Variants in GPC5 observed in about 807,000 individuals in gnomAD.
GPC5 encodes glypican 5, also known as glypican-5.
GPC5 carries 47 observed loss-of-function variants against 53.9 expected under a neutral mutation model. The ratio of observed to expected loss-of-function variants is 0.87; its 90% confidence interval spans 0.69 to 1.11. GPC5 has a LOEUF of 1.11. GPC5 is among the 50% of genes most tolerant of loss of function. The probability of loss-of-function intolerance (pLI) is 0.00; values close to 1 mark genes in which losing one functional copy is unlikely to be tolerated. For missense variants in GPC5, 748 were observed against 713.1 expected (o/e 1.05, Z -0.56); for synonymous variants, 286 against 263.3 (o/e 1.09, Z -0.84).
intron 7 of GPC5, among the ~76,000 whole-genome samples, chr13:92,496,279 G>A (rs1032382954): frequency 5.3e-5 from 8 of 152,046 alleles, no homozygotes; most frequent in Non-Finnish European, 8.8e-5. Flanking sequence ...TGAATCATAG[G>A]ACAAGTTCAA....
chr13:91,848,682 G>T (rs187840709), intron 5 of GPC5, among the ~76,000 whole-genome samples: 1 of 152,292 alleles, frequency 6.6e-6, no homozygotes, highest in East Asian at 1.9e-4. Flanking sequence ...TGGGAAATAC[G>T]ATATTTGAAT....
intron 7 of GPC5, among the ~76,000 whole-genome samples, chr13:92,795,518 G>A (rs534648077): frequency 2.6e-4 from 40 of 152,214 alleles, no homozygotes; most frequent in Admixed American, 2.5e-3. Context: ...GGCAACAAAA[G>A]CCAAAATAGA....
At chr13:92,080,889 G>A (rs565090851) in intron 6 of GPC5, among the ~76,000 whole-genome samples, 1 of 152,208 alleles carries the variant, frequency 6.6e-6, no homozygotes, top group African/African-American at 2.4e-5. Flanking sequence ...GTGCCCCATG[G>A]CCCATGCTCT....
chr13:92,722,891 CT>C (rs1566385285), intron 7 of GPC5, among the ~76,000 whole-genome samples: 1 of 151,712 alleles, frequency 6.6e-6, no homozygotes, highest in African/African-American at 2.4e-5. Flanking sequence ...TTAGCAAAAA[CT>C]GTGAAAGTTA....
At chr13:92,150,888 A>C (rs2041902459) in intron 7 of GPC5, among the ~76,000 whole-genome samples, 2 of 117,172 alleles carry the variant, frequency 1.7e-5, no homozygotes, top group African/African-American at 2.7e-5. Flanking sequence ...TCAATAGAGG[A>C]AGTAAAAAAA....
At chr13:91,956,530 C>G (rs2040075223) in intron 6 of GPC5, among the ~76,000 whole-genome samples, 1 of 152,116 alleles carries the variant, frequency 6.6e-6, no homozygotes, top group Non-Finnish European at 1.5e-5. Flanking sequence ...AATGGCCTGC[C>G]TGTGCCCACT....
At chr13:92,547,230 TAA>T (rs904052611) in intron 7 of GPC5, among the ~76,000 whole-genome samples, 9 of 152,122 alleles carry the variant, frequency 5.9e-5, no homozygotes, top group Non-Finnish European at 1.2e-4. Flanking sequence ...TAGTTCTTTT[TAA>T]AAAAGAGAAT....
At chr13:92,764,641 A>T (rs1875322224) in intron 7 of GPC5, among the ~76,000 whole-genome samples, 1 of 152,130 alleles carries the variant, frequency 6.6e-6, no homozygotes, top group Admixed American at 6.5e-5. Context: ...GTAGAGGTAG[A>T]GTGTTTCCTT....
chr13:92,804,696 A>G (rs1853777127), intron 7 of GPC5, among the ~76,000 whole-genome samples: 1 of 152,026 alleles, frequency 6.6e-6, no homozygotes, highest in South Asian at 2.1e-4. Context: ...GAAGTCTGCC[A>G]CAGCACTTCA....
chr13:92,184,077 C>A (rs1489792416), intron 7 of GPC5, among the ~76,000 whole-genome samples: 2 of 151,892 alleles, frequency 1.3e-5, no homozygotes, highest in Non-Finnish European at 2.9e-5. Flanking sequence ...TCTAATCCTG[C>A]CCTTTATTTT....
chr13:91,501,493 G>A (rs1884634775), intron 2 of GPC5, among the ~76,000 whole-genome samples: 1 of 152,070 alleles, frequency 6.6e-6, no homozygotes, highest in African/African-American at 2.4e-5. Context: ...AAAACATGTG[G>A]TGTTTGGTTT....
chr13:91,674,907 G>A (rs1036418648), intron 2 of GPC5, among the ~76,000 whole-genome samples: 1 of 151,786 alleles, frequency 6.6e-6, no homozygotes, highest in African/African-American at 2.4e-5. Context: ...AATCCAGCAG[G>A]CAGAGGCCAC....
chr13:91,993,970 A>G (rs1005432235), intron 6 of GPC5, among the ~76,000 whole-genome samples: 5 of 152,362 alleles, frequency 3.3e-5, no homozygotes, highest in South Asian at 4.1e-4. Context: ...AAAAGGGGAC[A>G]AAGAACTGCA....
rs753277819 is a variant in GPC5, at chr13:91,448,911, C to A, written c.314C>A (p.Ala105Asp). The A allele has an allele frequency of 1.2e-6, 2 of 1,612,802 alleles. No individual in the cohort carries two copies. Among genetic ancestry groups the A allele is most frequent in the South Asian group, 2.2e-5 (2 of 90,932 alleles). ...TLKFLISRNA[A>D]AFQETLETLI... Reference sequence around the variant, plus strand: ...AAGTTTCTAATATCTCGAAATGCGGCTGCTTTTCAAGGTAAGTGGATCTTG... The same window carrying A: ...AAGTTTCTAATATCTCGAAATGCGGATGCTTTTCAAGGTAAGTGGATCTTG... Residue 105 changes from alanine (A) to aspartate (D), a missense_variant, in exon 2 of 8, where the codon GCT becomes GAT. Physicochemically the swap from Ala to Asp is moderately radical, Grantham distance 126 (BLOSUM62 -2). Transcript: ENST00000377067.
At chr13:92,297,941 C>T (rs1019034671) in intron 7 of GPC5, among the ~76,000 whole-genome samples, 2 of 152,030 alleles carry the variant, frequency 1.3e-5, no homozygotes, top group African/African-American at 2.4e-5. Flanking sequence ...CTGGGAGGAA[C>T]GAACAACTCC....
At chr13:91,795,114 T>C (rs1345088828) in intron 5 of GPC5, among the ~76,000 whole-genome samples, 1 of 152,174 alleles carries the variant, frequency 6.6e-6, no homozygotes, top group Admixed American at 6.5e-5. Flanking sequence ...TTTATAATAG[T>C]TCTGCCACTG....
intron 7 of GPC5, among the ~76,000 whole-genome samples, chr13:92,578,479 T>G (rs548046474): frequency 6.6e-6 from 1 of 152,252 alleles, no homozygotes; most frequent in Non-Finnish European, 1.5e-5. Context: ...TTATGGAGAC[T>G]GAGAAGTCGT....
chr13:91,453,364 C>G (rs1487868921), intron 2 of GPC5, among the ~76,000 whole-genome samples: 5 of 151,556 alleles, frequency 3.3e-5, no homozygotes, highest in South Asian at 2.1e-4. Flanking sequence ...TACTGTAAAA[C>G]TAAAGTATAT....
intron 2 of GPC5, among the ~76,000 whole-genome samples, chr13:91,472,621 A>G (rs1398506582): frequency 1.3e-5 from 2 of 152,228 alleles, no homozygotes; most frequent in African/African-American, 4.8e-5. Context: ...GTCATTGCCA[A>G]TACATATGTT....
Sources: gnomAD v4.1 joint callset for allele counts (sites outside exome capture counted in the v4.1 genomes callset) on GRCh38, gnomAD v4.1.1 for gene constraint, MANE v1.5 for transcripts, NCBI Gene and HGNC (gene_info 2026-07-23, HGNC 2026-07-21) for gene names.